Variants in LMBR1 observed in about 807,000 individuals in gnomAD.
LMBR1 encodes the protein limb development membrane protein 1.
In LMBR1, 52 loss-of-function variants were observed where a neutral mutation model predicts 73.9. The observed-to-expected ratio is 0.70, with a 90% CI of 0.56 to 0.89. The LOEUF (loss-of-function observed/expected upper bound fraction) is 0.89, where lower values mean the gene tolerates loss of function less well. Among genes scored for constraint, LMBR1 ranks in the 40% least tolerant of loss-of-function variants. The pLI is 0.00. For missense variants in LMBR1, 539 were observed against 579.8 expected (o/e 0.93, Z 0.72); for synonymous variants, 215 against 209.4 (o/e 1.03, Z -0.23).
chr7:156,750,502 G>A (rs1470953435), intron 9 of LMBR1, among the ~76,000 whole-genome samples: 1 of 152,112 alleles, frequency 6.6e-6, no homozygotes, highest in Non-Finnish European at 1.5e-5. Flanking sequence ...TCCAGTGCAC[G>A]TGGTCTTCCT....
chr7:156,679,111 G>C lies in LMBR1; in HGVS notation c.*4967C>G, dbSNP rs1432003584. 2 of 152,172 alleles carry C rather than the reference G, an allele frequency of 1.3e-5. No individual in the cohort carries two copies. Among genetic ancestry groups the C allele is most frequent in the Non-Finnish European group, 2.9e-5 (2 of 68,038 alleles). 9.4% of individuals were successfully genotyped at this position (152,172 alleles called of 1,614,324 possible). A position where few individuals can be genotyped will look rare whatever the true frequency, so the allele number is the denominator to read the frequency against. ...CATCCAGTTCATCTGCCCACTGTAA[G>C]CGTGACCCCAGGCAAATGTCTGCAG... On this transcript the variant is annotated 3_prime_UTR_variant, in exon 17 of 17. Coordinates refer to ENST00000353442, the MANE Select transcript of LMBR1 (RefSeq NM_022458.4).
At chr7:156,891,845 A>C (rs1477031077) in intron 1 of LMBR1, among the ~76,000 whole-genome samples, 1 of 152,234 alleles carries the variant, frequency 6.6e-6, no homozygotes, top group Non-Finnish European at 1.5e-5. Context: ...CTCAGACTTT[A>C]TATGTCCTCT....
intron 4 of LMBR1, among the ~76,000 whole-genome samples, chr7:156,808,811 C>T (rs1832599774): frequency 6.6e-6 from 1 of 152,074 alleles, no homozygotes; most frequent in Non-Finnish European, 1.5e-5. Context: ...ATTTTATTGG[C>T]TGCTCTGCCA....
At chr7:156,780,945 C>T (rs1276335544) in intron 5 of LMBR1, among the ~76,000 whole-genome samples, 1 of 152,140 alleles carries the variant, frequency 6.6e-6, no homozygotes, top group Non-Finnish European at 1.5e-5. Context: ...CAAGACAAAC[C>T]TATGATTTTA....
In LMBR1 at chr7:156,712,705, T is replaced by C. The variant is rs57547266; in HGVS notation, c.1225+11407A>G. Among the ~76,000 whole-genome samples, 849 of 152,280 alleles carry C rather than the reference T, an allele frequency of 5.6e-3. 21 individuals carry two copies. In the South Asian group the frequency reaches 0.079, roughly 14 times the overall value. On this transcript the variant is annotated intron_variant, in intron 15 of 16. Coordinates refer to ENST00000353442, the MANE Select transcript of LMBR1 (RefSeq NM_022458.4). ...CCAGAGCAAAGAATGAAATCATGTA[T>C]TTCACAACAACATGGGTGGAATCAT... is the stretch of plus-strand genomic sequence containing the variant.
chr7:156,685,388 C>T lies in LMBR1; in HGVS notation c.1388-1225G>A, dbSNP rs1216303169. Among the ~76,000 whole-genome samples, 6 of 152,196 alleles carry T rather than the reference C, an allele frequency of 3.9e-5. No individual in the cohort carries two copies. The highest frequency in any genetic ancestry group is 7.3e-5 in the Non-Finnish European group (5 of 68,042). ...CAACAGGAATGCATTCTGAGAAATG[C>T]GCTGTCGAGCGATTCTGTCGCTGTG... is the stretch of plus-strand genomic sequence containing the variant. On this transcript the variant is annotated intron_variant, in intron 16 of 16. Transcript: ENST00000353442. This position sits in a 1 kb window ranked among gnomAD's most constrained non-coding sequence, Gnocchi z 4.1.
At position 156,684,093 on chromosome 7, in the gene LMBR1, A is replaced by G; in HGVS notation, c.1458T>C (p.His486=). 6.2e-7 allele frequency: 1 copy of G among 1,613,970 alleles called. No homozygotes were observed. Among genetic ancestry groups the G allele is most frequent in the Non-Finnish European group, 8.5e-7 (1 of 1,179,860 alleles). Residue 486 remains histidine, a synonymous_variant, in exon 17 of 17, where the codon CAT becomes CAC. Transcript: ENST00000353442. The stretch of plus-strand genomic sequence containing the variant: ...TCTGTGCGTCTCACAGTGCTTTCTG[A>G]TGCCCATTTACAGAAGGCTTGGCTG... ...SETAKPSVNG[H]QKAL
intron 1 of LMBR1, among the ~76,000 whole-genome samples, chr7:156,863,058 C>T (rs1035955985): frequency 5.3e-5 from 8 of 151,914 alleles, no homozygotes; most frequent in African/African-American, 1.7e-4. Flanking sequence ...TGCTAAGAAC[C>T]CTAATTGCAT....
At chr7:156,886,287 T>C (rs773637040) in intron 1 of LMBR1, among the ~76,000 whole-genome samples, 3 of 152,206 alleles carry the variant, frequency 2.0e-5, no homozygotes, top group Admixed American at 6.5e-5. Context: ...CAGGGATTTA[T>C]GCTGAACGGG....
chr7:156,687,711 CCAT>C (rs896739074), intron 16 of LMBR1, among the ~76,000 whole-genome samples: 20 of 152,304 alleles, frequency 1.3e-4, no homozygotes, highest in African/African-American at 3.4e-4. Context: ...CTCACCACCA[CCAT>C]GACCACCATC....
intron 4 of LMBR1, among the ~76,000 whole-genome samples, chr7:156,809,633 C>T (rs1288241970): frequency 6.6e-6 from 1 of 152,044 alleles, no homozygotes; most frequent in Non-Finnish European, 1.5e-5. Context: ...ATTTGTGATC[C>T]GTGGTTGGTT....
At chr7:156,779,654 C>T in intron 5 of LMBR1, 1 of 1,268,986 alleles carries the variant, frequency 7.9e-7, no homozygotes, top group Non-Finnish European at 1.0e-6. Flanking sequence ...AATGTACTTA[C>T]AAAAGCTCTA....
chr7:156,726,713 C>G (rs954870809), intron 12 of LMBR1, among the ~76,000 whole-genome samples: 11 of 152,128 alleles, frequency 7.2e-5, no homozygotes, highest in Non-Finnish European at 1.5e-4. Context: ...TCAAGACACA[C>G]TACTCCAAAA....
At chr7:156,714,372 G>A (rs773624954) in intron 15 of LMBR1, among the ~76,000 whole-genome samples, 2 of 152,186 alleles carry the variant, frequency 1.3e-5, no homozygotes, top group Non-Finnish European at 2.9e-5. Flanking sequence ...AGGTTTTGCC[G>A]GAGAACGGCT....
intron 4 of LMBR1, among the ~76,000 whole-genome samples, chr7:156,815,575 C>T (rs1429609304): frequency 2.0e-5 from 3 of 152,182 alleles, no homozygotes; most frequent in East Asian, 3.9e-4. Flanking sequence ...CTGTATCATA[C>T]AGTTTCCCCC....
chr7:156,838,992 T>C (rs1462379790), intron 1 of LMBR1, among the ~76,000 whole-genome samples: 2 of 151,986 alleles, frequency 1.3e-5, no homozygotes, highest in African/African-American at 4.8e-5. Flanking sequence ...CATTTTCATA[T>C]ACCTATTGGC....
intron 10 of LMBR1, among the ~76,000 whole-genome samples, chr7:156,731,616 T>C (rs897378637): frequency 6.6e-6 from 1 of 152,182 alleles, no homozygotes; most frequent in Non-Finnish European, 1.5e-5. Flanking sequence ...TTTAGTATGT[T>C]TTCCAATAAA....
chr7:156,802,149 A>T (rs1473131692), intron 4 of LMBR1, among the ~76,000 whole-genome samples: 1 of 152,134 alleles, frequency 6.6e-6, no homozygotes, highest in Non-Finnish European at 1.5e-5. Context: ...CGCCAGGCTA[A>T]TTTTTGTATT....
intron 1 of LMBR1, chr7:156,892,693 C>G (rs1361259802): frequency 3.1e-6 from 1 of 323,392 alleles, no homozygotes; most frequent in African/African-American, 2.8e-5. Flanking sequence ...GAGGCAAGAG[C>G]GGAGCGGGGG....
Sources: allele counts gnomAD v4.1 joint callset (sites outside exome capture counted in the v4.1 genomes callset), GRCh38; gene constraint gnomAD v4.1.1; non-coding constraint Gnocchi (gnomAD v3.1); transcripts MANE v1.5; gene names NCBI Gene and HGNC (gene_info 2026-07-23, HGNC 2026-07-21).